The following UNC13B variants were observed in gnomAD, a reference collection of about 807,000 sequenced individuals.
UNC13B encodes the protein unc-13 homolog B.
In UNC13B, 144 loss-of-function variants were observed where a neutral mutation model predicts 211.0. The ratio of observed to expected loss-of-function variants is 0.68; its 90% confidence interval spans 0.60 to 0.78. UNC13B has a LOEUF of 0.78. UNC13B is among the 30% of genes least tolerant of loss of function. UNC13B has a pLI of 0.00. For synonymous variants in UNC13B, 709 were observed against 725.8 expected (o/e 0.98, Z 0.37); for missense variants, 1,777 against 2,002.0 (o/e 0.89, Z 2.14).
intron 11 of UNC13B, among the ~76,000 whole-genome samples, chr9:35,354,357 C>G (rs115606297): frequency 0.01 from 1,557 of 152,244 alleles, 34 homozygotes; most frequent in African/African-American, 0.035. Flanking sequence ...TTCCCCTACC[C>G]CAGGTACCTG....
At chr9:35,325,764 A>G (rs953710419) in intron 11 of UNC13B, among the ~76,000 whole-genome samples, 1 of 152,216 alleles carries the variant, frequency 6.6e-6, no homozygotes, top group African/African-American at 2.4e-5. Flanking sequence ...GCCTGTAGCA[A>G]CCATGAATTT....
At chr9:35,338,301 C>A (rs1197930778) in intron 11 of UNC13B, among the ~76,000 whole-genome samples, 1 of 152,124 alleles carries the variant, frequency 6.6e-6, no homozygotes, top group Non-Finnish European at 1.5e-5. Flanking sequence ...TGGTCCTTGA[C>A]CTGATTGTAG....
At chr9:35,284,643 T>C (rs1828690405) in intron 7 of UNC13B, among the ~76,000 whole-genome samples, 1 of 152,226 alleles carries the variant, frequency 6.6e-6, no homozygotes, top group African/African-American at 2.4e-5. Context: ...TGAAGTGTTT[T>C]CCTTAATTAT....
chr9:35,239,791 C>G (rs1825707454), intron 5 of UNC13B, among the ~76,000 whole-genome samples: 1 of 152,162 alleles, frequency 6.6e-6, no homozygotes, highest in South Asian at 2.1e-4. Context: ...CAATATTTCT[C>G]CTGTTTGCTT....
Position 35,301,213 on chromosome 9 carries a change from A to C in UNC13B, c.1809A>C (p.Gln603His). The C allele has an allele frequency of 5.0e-6, 2 of 398,932 alleles. No homozygotes were observed. Among genetic ancestry groups the C allele is most frequent in the Admixed American group, 4.4e-5 (1 of 22,734 alleles). 24.7% of individuals were successfully genotyped at this position (398,932 alleles called of 1,614,324 possible). ...DLSMQSPLSS[Q>H]KDDNVNIDRH... ...CCATGCAATCTCCATTATCCTCTCA[A>C]AAAGATGATAATGTGAATATAGACA... The change falls in exon 9 of 40, where the codon CAA becomes CAC. Residue 603 changes from glutamine (Q) to histidine (H), a missense_variant. Gln to His is a conservative substitution (Grantham distance 24, BLOSUM62 0). Coordinates refer to ENST00000635942, the MANE Select transcript of UNC13B (RefSeq NM_001371189.2).
chr9:35,397,075 G>C lies in UNC13B; in HGVS notation c.11533-92G>C. On this transcript the variant is annotated intron_variant, in intron 28 of 39. Transcript: ENST00000635942. Reference sequence around the variant, plus strand: ...ACAGGAGGGCTGTTGAGGGCCATTAGCCACTCTTGCTGGTCAGAGCCTTTT... The same window carrying C: ...ACAGGAGGGCTGTTGAGGGCCATTACCCACTCTTGCTGGTCAGAGCCTTTT... 3.1e-6 allele frequency: 5 copies of C among 1,602,038 alleles called. No homozygotes were observed. The African/African-American group carries it at 6.7e-5, about 21-fold the overall frequency.
intron 11 of UNC13B, among the ~76,000 whole-genome samples, chr9:35,324,322 G>A (rs1284593753): frequency 2.6e-5 from 4 of 152,302 alleles, no homozygotes; most frequent in Admixed American, 1.3e-4. Context: ...GAATTCAACA[G>A]AGCACAAAGC....
chr9:35,199,034 C>T (rs1414294249), intron 1 of UNC13B, among the ~76,000 whole-genome samples: 2 of 152,118 alleles, frequency 1.3e-5, no homozygotes, highest in Non-Finnish European at 2.9e-5. Context: ...CGACAGGCCC[C>T]AGTGTGTGAT....
Position 35,316,646 on chromosome 9 carries a change from G to A in UNC13B, c.9414+2657G>A, listed in dbSNP as rs986925144. Among the ~76,000 whole-genome samples the A allele has an allele frequency of 2.6e-5, 4 of 152,016 alleles. No individual in the cohort carries two copies. The South Asian group carries it at 6.2e-4, about 24-fold the overall frequency. ...TTTTCAATGAGTTTTGAACTTACTT[G>A]TTAAAAATATGAAAATATTTCTCAC... On this transcript the variant is annotated intron_variant, in intron 11 of 39. Transcript: ENST00000635942.
At chr9:35,228,708 G>T (rs1825011913) in intron 2 of UNC13B, among the ~76,000 whole-genome samples, 2 of 14,724 alleles carry the variant, frequency 1.4e-4, no homozygotes, top group Non-Finnish European at 2.6e-4. Context: ...ATGAAAGTGT[G>T]TGTGTGTGTG....
intron 1 of UNC13B, among the ~76,000 whole-genome samples, chr9:35,166,470 G>A (rs1449568179): frequency 6.6e-6 from 1 of 151,692 alleles, no homozygotes; most frequent in Non-Finnish European, 1.5e-5. Flanking sequence ...ATTTCCATGG[G>A]CCTACCACCT....
At chr9:35,343,006 C>T (rs1205065828) in intron 11 of UNC13B, among the ~76,000 whole-genome samples, 3 of 152,200 alleles carry the variant, frequency 2.0e-5, no homozygotes, top group Admixed American at 1.3e-4. Flanking sequence ...GAAAAGTCAT[C>T]TTGAGTTTTC....
intron 16 of UNC13B, 123 bp from the exon 17 acceptor site, chr9:35,378,172 G>C (rs940400572): frequency 8.2e-6 from 11 of 1,334,084 alleles, no homozygotes; most frequent in African/African-American, 1.5e-5. Flanking sequence ...AATAAATATG[G>C]AGGAATGGGA....
intron 7 of UNC13B, chr9:35,291,141 T>A (rs746317771): frequency 1.3e-6 from 2 of 1,545,616 alleles, no homozygotes; most frequent in East Asian, 4.9e-5. Flanking sequence ...ATTTTCTTGA[T>A]CTTACCCACA....
At chr9:35,190,991 G>A (rs894774536) in intron 1 of UNC13B, among the ~76,000 whole-genome samples, 14 of 151,882 alleles carry the variant, frequency 9.2e-5, no homozygotes, top group South Asian at 4.2e-4. Flanking sequence ...ACAGAGTCTC[G>A]CTCTGTCGCC....
chr9:35,382,507 G>C lies in UNC13B; in HGVS notation c.10806G>C (p.Gly3602=). Residue 3602 remains glycine (G), a splice_region_variant and synonymous_variant, in exon 21 of 40, where the codon GGG becomes GGC. Coordinates refer to ENST00000635942, the MANE Select transcript of UNC13B (RefSeq NM_001371189.2). Reference sequence around the variant, plus strand: ...ATCGCTTTGCAGCCTCCAACTTTGGGGTAAGTATCATGTAAACACATATGT... The same window carrying C: ...ATCGCTTTGCAGCCTCCAACTTTGGCGTAAGTATCATGTAAACACATATGT... ...ASDRFAASNF[G]KERFVKLLDQ... 2 of 1,611,280 alleles carry C rather than the reference G, an allele frequency of 1.2e-6. No individual in the cohort carries two copies. The highest frequency in any genetic ancestry group is 1.7e-6 in the Non-Finnish European group (2 of 1,179,342).
At chr9:35,297,561 T>TTTTTTTTTTTTTTTGTTTTTTG in intron 8 of UNC13B, among the ~76,000 whole-genome samples, 35 of 128,220 alleles carry the variant, frequency 2.7e-4, no homozygotes, top group Non-Finnish European at 4.2e-4. Context: ...TTTTTTTTTT[T>TTTTTTTTTTTTTTTGTTTTTTG]TTTTTTGAGA....
intron 7 of UNC13B, among the ~76,000 whole-genome samples, chr9:35,266,762 A>G (rs1827601459): frequency 6.6e-6 from 1 of 152,204 alleles, no homozygotes; most frequent in Non-Finnish European, 1.5e-5. Flanking sequence ...TAACTGATAT[A>G]TTTATTTTAA....
intron 11 of UNC13B, among the ~76,000 whole-genome samples, chr9:35,341,076 A>G (rs1831963722): frequency 6.6e-6 from 1 of 152,188 alleles, no homozygotes; most frequent in South Asian, 2.1e-4. Context: ...AAGAAGGGTT[A>G]TGAAATTTGG....
Sources: allele counts gnomAD v4.1 joint callset (sites outside exome capture counted in the v4.1 genomes callset), GRCh38; gene constraint gnomAD v4.1.1; transcripts MANE v1.5; gene names NCBI Gene and HGNC (gene_info 2026-07-23, HGNC 2026-07-21).